Variants in C2orf42 observed in about 807,000 individuals in gnomAD.
The protein encoded by C2orf42 is uncharacterized protein C2orf42.
Under a neutral mutation model 58.9 loss-of-function variants are expected in C2orf42, and 44 were observed. The ratio of observed to expected loss-of-function variants is 0.75; its 90% CI spans 0.59 to 0.96. The LOEUF (loss-of-function observed/expected upper bound fraction) is 0.96. Among genes scored for constraint, C2orf42 ranks in the 40% least tolerant of loss-of-function variants. The pLI, the probability that C2orf42 is intolerant of heterozygous loss-of-function variation, is 0.00. For missense variants in C2orf42, 630 were observed against 699.2 expected, an observed-to-expected ratio of 0.90 and a Z score of 1.12; for synonymous variants, 239 against 265.4, an observed-to-expected ratio of 0.90 and a Z score of 0.97.
At chr2:70,159,678 T>G (rs1672932202) in intron 9 of C2orf42, among the ~76,000 whole-genome samples, 1 of 152,042 alleles carries the variant, frequency 6.6e-6, no homozygotes, top group Non-Finnish European at 1.5e-5. Flanking sequence ...AAGTACAGTC[T>G]AAAACAGACT....
At position 70,181,262 on chromosome 2, in the gene C2orf42, C is replaced by A. The variant is rs1674543898; in HGVS notation, c.724G>T (p.Ala242Ser). 1 of 1,612,702 alleles carries A rather than the reference C, an allele frequency of 6.2e-7. No individual in the cohort carries two copies. The highest frequency in any genetic ancestry group is 8.5e-7 in the Non-Finnish European group (1 of 1,178,930). Residue 242 changes from alanine (A) to serine (S), a missense_variant, in exon 3 of 10, where the codon GCC becomes TCC. Transcript: ENST00000264434. ...HKSNASKDET[A>S]QRCIHFFACI... ...GCAAAGAAATGAATGCATCTCTGGG[C>A]TGTCTCATCCTTGGAGGCATTTGAC...
chr2:70,183,972 A>ATTTTTAAAAAAT (rs1553412280), intron 1 of C2orf42, among the ~76,000 whole-genome samples: 1 of 151,884 alleles, frequency 6.6e-6, no homozygotes, highest in Non-Finnish European at 1.5e-5. Flanking sequence ...TGCCTGGCTA[A>ATTTTTAAAAAAT]TTTTTAAAAA....
chr2:70,170,881 C>T (rs561229799), intron 5 of C2orf42, among the ~76,000 whole-genome samples: 6 of 152,026 alleles, frequency 3.9e-5, no homozygotes, highest in Middle Eastern at 3.4e-3. Context: ...TTTGGGAGGC[C>T]GAGGCGGGTG....
At chr2:70,173,794 T>G (rs775288144) in intron 5 of C2orf42, among the ~76,000 whole-genome samples, 3 of 151,450 alleles carry the variant, frequency 2.0e-5, no homozygotes, top group Non-Finnish European at 4.4e-5. Flanking sequence ...TTTTTTTTTG[T>G]TTTTTGTGTT....
At chr2:70,154,039 C>G in intron 9 of C2orf42, among the ~76,000 whole-genome samples, 1 of 142,186 alleles carries the variant, frequency 7.0e-6, no homozygotes, top group African/African-American at 2.7e-5. Flanking sequence ...GGTGACAGAG[C>G]AAGACTCTGT....
intron 1 of C2orf42, among the ~76,000 whole-genome samples, chr2:70,188,241 G>A (rs941437707): frequency 2.0e-5 from 3 of 151,942 alleles, no homozygotes; most frequent in African/African-American, 7.3e-5. Flanking sequence ...AGGCTGGAGT[G>A]CAGTGGCGTG....
chr2:70,164,928 G>C (rs1052725859), intron 8 of C2orf42, among the ~76,000 whole-genome samples, 164 bp downstream of exon 8: 5 of 151,824 alleles, frequency 3.3e-5, no homozygotes. Context: ...CATTAAAATT[G>C]GAGTCAGAAC....
rs1029740356 is a variant in C2orf42, at chr2:70,181,250, T to C, written c.736A>G (p.Ile246Val). 15 of 1,608,722 alleles carry C rather than the reference T, an allele frequency of 9.3e-6. No homozygotes were observed. In the South Asian group the frequency reaches 9.9e-5, roughly 11 times the overall value. The change falls in exon 3 of 10, where the codon ATT becomes GTT. Residue 246 changes from isoleucine (I) to valine (V), a missense_variant. Transcript: ENST00000264434. Reference protein sequence around the residue: ...ASKDETAQRCIHFFACICAFA... With the variant: ...ASKDETAQRCVHFFACICAFA... ...GCACAGATGCAAGCAAAGAAATGAATGCATCTCTGGGCTGTCTCATCCTTG... is the reference window on the plus strand; with the variant it reads ...GCACAGATGCAAGCAAAGAAATGAACGCATCTCTGGGCTGTCTCATCCTTG...
chr2:70,161,840 CAAA>C (rs1172754744), intron 8 of C2orf42, among the ~76,000 whole-genome samples: 10 of 77,466 alleles, frequency 1.3e-4, no homozygotes, highest in African/African-American at 2.9e-4. Context: ...AAGTCCGTGT[CAAA>C]AAAAAAAAAA....
intron 9 of C2orf42, 53 bp downstream of exon 9, chr2:70,160,572 T>C (rs944066431): frequency 2.3e-6 from 3 of 1,302,442 alleles, no homozygotes; most frequent in Middle Eastern, 1.9e-4. Context: ...CAGTGTACTG[T>C]ACTGTTCACC....
intron 1 of C2orf42, among the ~76,000 whole-genome samples, chr2:70,186,362 G>A (rs923065155): frequency 8.6e-5 from 13 of 151,174 alleles, no homozygotes; most frequent in African/African-American, 3.2e-4. Context: ...AAAGAGCTTA[G>A]AAAAAATTAA....
chr2:70,151,635 A>G (rs1672316989), intron 9 of C2orf42, among the ~76,000 whole-genome samples: 1 of 152,098 alleles, frequency 6.6e-6, no homozygotes, highest in Non-Finnish European at 1.5e-5. Context: ...CTCCGCCTCA[A>G]AAAACACCCC....
At chr2:70,171,429 G>T (rs746202524) in intron 5 of C2orf42, among the ~76,000 whole-genome samples, 2 of 152,124 alleles carry the variant, frequency 1.3e-5, no homozygotes, top group Non-Finnish European at 1.5e-5. Flanking sequence ...ATAGATGACT[G>T]AGTGATGCAC....
chr2:70,177,703 A>G (rs764871096), intron 4 of C2orf42, among the ~76,000 whole-genome samples: 7 of 152,182 alleles, frequency 4.6e-5, no homozygotes, highest in Non-Finnish European at 1.0e-4. Context: ...CATGCCAGAG[A>G]GCCTGGATTT....
intron 8 of C2orf42, 89 bp from the exon 9 acceptor site, chr2:70,160,876 C>T: frequency 1.3e-6 from 1 of 786,958 alleles, no homozygotes; most frequent in East Asian, 2.9e-5. Context: ...TTTTATTATT[C>T]CTTCTTTCTT....
rs146141859 is a variant in C2orf42, at chr2:70,174,628, T to C, written c.1039+1045A>G. On this transcript the variant is annotated intron_variant, in intron 5 of 9. Transcript: ENST00000264434. ...AAAACAGTCCATCACAAAGACTCCCTGTGCTACTCTTTTATTGCTGCTGTT... is the reference window on the plus strand; with the variant it reads ...AAAACAGTCCATCACAAAGACTCCCCGTGCTACTCTTTTATTGCTGCTGTT... Among the ~76,000 whole-genome samples, 465 of 152,170 alleles carry C rather than the reference T, an allele frequency of 3.1e-3. 1 individual carries two copies. The highest frequency in any genetic ancestry group is 0.011 in the African/African-American group (449 of 41,542).
intron 6 of C2orf42, among the ~76,000 whole-genome samples, chr2:70,167,288 G>A (rs1227889734): frequency 6.6e-6 from 1 of 151,988 alleles, no homozygotes. Flanking sequence ...AACCTGGGAG[G>A]CGGAGGTTGC....
intron 5 of C2orf42, among the ~76,000 whole-genome samples, chr2:70,173,267 CTTTTT>C (rs202063318): frequency 1.0e-5 from 1 of 95,752 alleles, no homozygotes. Flanking sequence ...TGCGTAAGTT[CTTTTT>C]TTTTTTTTTT....
At chr2:70,167,367 A>AG (rs1289467273) in intron 6 of C2orf42, among the ~76,000 whole-genome samples, 2 of 151,600 alleles carry the variant, frequency 1.3e-5, no homozygotes, top group Non-Finnish European at 2.9e-5. Flanking sequence ...CAAAAAAAAA[A>AG]AAAGAAAAGA....
Sources: gnomAD v4.1 joint callset for allele counts (sites outside exome capture counted in the v4.1 genomes callset) on GRCh38, gnomAD v4.1.1 for gene constraint, MANE v1.5 for transcripts, NCBI Gene and HGNC (gene_info 2026-07-23, HGNC 2026-07-21) for gene names.